Variants in EPM2A observed in about 807,000 individuals in gnomAD.
EPM2A encodes the protein laforin.
In EPM2A, 21 loss-of-function variants were observed where a neutral mutation model predicts 26.5. The observed-to-expected ratio is 0.79, with a 90% confidence interval of 0.56 to 1.14. EPM2A has a LOEUF of 1.14. Ranked by LOEUF, EPM2A falls within the 50% of genes most tolerant of loss-of-function variation. The pLI is 0.00. For missense variants in EPM2A, 458 were observed against 440.8 expected (o/e 1.04, Z -0.35); for synonymous variants, 217 against 177.6 (o/e 1.22, Z -1.76).
chr6:145,627,157 T>A lies in EPM2A; in HGVS notation c.*259A>T. On this transcript the variant is annotated 3_prime_UTR_variant, in exon 4 of 4. Transcript: ENST00000367519. ...CTGCAGGCAGCAGGAACTGCACGCA[T>A]TACCCTTCTGTCTGATGTACAGCCT... The A allele has an allele frequency of 5.1e-6, 7 of 1,379,442 alleles. No homozygotes were observed. The highest frequency in any genetic ancestry group is 6.6e-6 in the Non-Finnish European group (7 of 1,065,426). The allele number at this position is 1,379,442 out of a possible 1,614,324, so 85.5% of individuals were successfully genotyped here.
intron 2 of EPM2A, among the ~76,000 whole-genome samples, chr6:145,571,319 T>C (rs1780952777): frequency 6.6e-6 from 1 of 152,208 alleles, no homozygotes; most frequent in South Asian, 2.1e-4. Flanking sequence ...TTTCTATCAA[T>C]CCAGCTGCTT....
chr6:145,668,482 A>T (rs1779399858), intron 2 of EPM2A, among the ~76,000 whole-genome samples: 1 of 152,178 alleles, frequency 6.6e-6, no homozygotes, highest in Admixed American at 6.5e-5. Flanking sequence ...TTAAAATTTG[A>T]TTAATGAAAA....
chr6:145,412,631 G>A lies in EPM2A; in HGVS notation c.556-28534C>T, dbSNP rs111941544. On this transcript the variant is annotated intron_variant, in intron 4 of 4. Coordinates refer to the EPM2A transcript ENST00000638717. ...CTGCTAAAGTATGGGGATCTTTTCA[G>A]ATTCACATTTTTCAAAATTTAGAAT... Among the ~76,000 whole-genome samples, 614 of 152,268 alleles carry A rather than the reference G, an allele frequency of 4.0e-3. 3 individuals carry two copies. The highest frequency in any genetic ancestry group is 0.014 in the Middle Eastern group (4 of 292).
intron 1 of EPM2A, among the ~76,000 whole-genome samples, chr6:145,714,263 A>C (rs1465468074): frequency 6.6e-6 from 1 of 152,234 alleles, no homozygotes; most frequent in Non-Finnish European, 1.5e-5. Context: ...CCCAGATATA[A>C]AATGGCATAG....
intron 1 of EPM2A, among the ~76,000 whole-genome samples, chr6:145,731,810 T>A (rs1447018022): frequency 2.0e-5 from 3 of 152,002 alleles, no homozygotes; most frequent in African/African-American, 7.3e-5. Context: ...TTTCCCTGAG[T>A]TGAAGGAAAC....
chr6:145,585,006 AT>A (rs1420327675), intron 2 of EPM2A, among the ~76,000 whole-genome samples: 2 of 152,158 alleles, frequency 1.3e-5, no homozygotes, highest in Non-Finnish European at 2.9e-5. Context: ...TTGGTTGATT[AT>A]TTCCTTTCAG....
chr6:145,575,758 A>G (rs546327062), intron 2 of EPM2A, among the ~76,000 whole-genome samples: 40 of 152,344 alleles, frequency 2.6e-4, no homozygotes, highest in Non-Finnish European at 4.0e-4. Context: ...AGTGTTCTCC[A>G]TACTATCAGA....
At chr6:145,714,917 G>A (rs181715718) in intron 1 of EPM2A, among the ~76,000 whole-genome samples, 1 of 152,272 alleles carries the variant, frequency 6.6e-6, no homozygotes, top group East Asian at 1.9e-4. Context: ...ACATCAACAA[G>A]TAAGAAAATT....
At chr6:145,438,956 C>T (rs1237034795) in intron 4 of EPM2A, among the ~76,000 whole-genome samples, 1 of 152,016 alleles carries the variant, frequency 6.6e-6, no homozygotes, top group African/African-American at 2.4e-5. Context: ...AAACCTCTCC[C>T]TTCTCCCATC....
In EPM2A at chr6:145,524,219, T is replaced by C. The variant is rs1780240727; in HGVS notation, c.341-21644A>G. Among the ~76,000 whole-genome samples, 4 of 152,238 alleles carry C rather than the reference T, an allele frequency of 2.6e-5. No individual in the cohort carries two copies. The South Asian group carries it at 8.3e-4, about 31-fold the overall frequency. ...TGGGCATCTAGGTTAATATCTTTGC[T>C]ATAGTGGATAGTGCTGCAATGAACA... On this transcript the variant is annotated intron_variant, in intron 2 of 3. Coordinates refer to the EPM2A transcript ENST00000450221.
chr6:145,627,770 G>T, intron 3 of EPM2A, 77 bp from the exon 4 acceptor site: 1 of 1,571,746 alleles, frequency 6.4e-7, no homozygotes, highest in Non-Finnish European at 8.6e-7. Context: ...CTCCAGCACA[G>T]CCTGAAATCA....
At chr6:145,611,662 A>G (rs1775394824) in intron 2 of EPM2A, among the ~76,000 whole-genome samples, 1 of 152,126 alleles carries the variant, frequency 6.6e-6, no homozygotes, top group Non-Finnish European at 1.5e-5. Flanking sequence ...GAAACCCACT[A>G]TTTAGACAAA....
At chr6:145,468,331 G>A (rs1294110764) in intron 4 of EPM2A, among the ~76,000 whole-genome samples, 2 of 152,060 alleles carry the variant, frequency 1.3e-5, no homozygotes, top group East Asian at 3.9e-4. Flanking sequence ...TACATTGTAA[G>A]TTCCTCATAA....
chr6:145,405,988 A>T (rs986071729), intron 4 of EPM2A, among the ~76,000 whole-genome samples: 4 of 148,830 alleles, frequency 2.7e-5, no homozygotes, highest in African/African-American at 9.9e-5. Flanking sequence ...ACCTACACAC[A>T]CACACACACA....
intron 1 of EPM2A, among the ~76,000 whole-genome samples, chr6:145,696,777 GTGTGT>G (rs1781602193): frequency 1.3e-4 from 1 of 7,888 alleles, no homozygotes; most frequent in Non-Finnish European, 2.7e-4. Flanking sequence ...GTAGGGGTAT[GTGTGT>G]GTGTGTGTGT....
chr6:145,576,765 G>A (rs545799180), intron 2 of EPM2A, among the ~76,000 whole-genome samples: 1 of 152,118 alleles, frequency 6.6e-6, no homozygotes, highest in East Asian at 1.9e-4. Flanking sequence ...AAAACTTGTT[G>A]TGTAAAACAT....
intron 1 of EPM2A, among the ~76,000 whole-genome samples, chr6:145,717,620 C>A (rs1039765025): frequency 6.6e-6 from 1 of 152,036 alleles, no homozygotes; most frequent in Non-Finnish European, 1.5e-5. Context: ...CTGGCCACGG[C>A]AATTAGGCAG....
At chr6:145,638,010 C>T (rs1178232457) in intron 2 of EPM2A, 1 of 152,094 alleles carries the variant, frequency 6.6e-6, no homozygotes, top group East Asian at 1.9e-4. Flanking sequence ...GTTACATAAC[C>T]AAGAAATAGA....
chr6:145,466,941 A>C (rs1390126660), intron 4 of EPM2A, among the ~76,000 whole-genome samples: 1 of 152,120 alleles, frequency 6.6e-6, no homozygotes, highest in African/African-American at 2.4e-5. Flanking sequence ...GGAACTGAAC[A>C]ATGAGAACAC....
Sources: allele counts gnomAD v4.1 joint callset (sites outside exome capture counted in the v4.1 genomes callset), GRCh38; gene constraint gnomAD v4.1.1; transcripts MANE v1.5; gene names NCBI Gene and HGNC (gene_info 2026-07-23, HGNC 2026-07-21).